Variants in DIAPH2 observed in about 807,000 individuals in gnomAD.
DIAPH2 encodes the protein protein diaphanous homolog 2.
In DIAPH2, 35 loss-of-function variants were observed where a neutral mutation model predicts 92.7. The ratio of observed to expected loss-of-function variants is 0.38; its 90% CI spans 0.29 to 0.50. The LOEUF is 0.50. Ranked by LOEUF, DIAPH2 falls within the 20% of genes least tolerant of loss-of-function variation. DIAPH2 has a pLI of 0.94. For synonymous variants in DIAPH2, 301 were observed against 280.4 expected, an observed-to-expected ratio of 1.07 and a Z score of -0.73; for missense variants, 701 against 819.5, an observed-to-expected ratio of 0.86 and a Z score of 1.77.
rs187299266 is a variant in DIAPH2 at position 97,399,370 on chromosome X, G to T, written c.3145+15326G>T. Among the ~76,000 whole-genome samples, 8 of 111,622 alleles carry T rather than the reference G, an allele frequency of 7.2e-5. No homozygotes were observed. In the East Asian group the frequency reaches 2.3e-3, roughly 32 times the overall value. On this transcript the variant is annotated intron_variant, in intron 25 of 26. Transcript: ENST00000324765. Reference sequence around the variant, plus strand: ...GATATTCAAGGAGTACCCAGTTTTGGTTCACCAAATGTAAGTCCTTTGTTA... The same window carrying T: ...GATATTCAAGGAGTACCCAGTTTTGTTTCACCAAATGTAAGTCCTTTGTTA...
At chrX:97,130,259 A>G (rs2067129403) in intron 21 of DIAPH2, among the ~76,000 whole-genome samples, 2 of 112,112 alleles carry the variant, frequency 1.8e-5, no homozygotes, top group Non-Finnish European at 3.8e-5. Flanking sequence ...TTCTGGGCAT[A>G]TACATAAAAG....
intron 22 of DIAPH2, among the ~76,000 whole-genome samples, chrX:97,186,716 G>C (rs2067607371): frequency 8.9e-6 from 1 of 112,012 alleles, no homozygotes; most frequent in African/African-American, 3.2e-5. Context: ...GAAGGTATAA[G>C]AAATCTAAAT....
intron 26 of DIAPH2, among the ~76,000 whole-genome samples, chrX:97,496,206 G>A (rs897361274): frequency 2.9e-5 from 2 of 69,277 alleles, no homozygotes; most frequent in East Asian, 5.3e-4. Context: ...AAGGAGTTTC[G>A]CTCTCGTTGC....
chrX:97,068,703 A>G (rs542637359), intron 17 of DIAPH2, among the ~76,000 whole-genome samples: 5 of 112,078 alleles, frequency 4.5e-5, no homozygotes, highest in Middle Eastern at 4.6e-3. Context: ...AATTATTTCC[A>G]TGTAGCTGGA....
At chrX:97,290,568 C>T (rs762622365) in intron 23 of DIAPH2, among the ~76,000 whole-genome samples, 5 of 112,325 alleles carry the variant, frequency 4.5e-5, no homozygotes, top group Admixed American at 2.8e-4. Context: ...AGTATTAAAC[C>T]ATGCACAGGG....
intron 22 of DIAPH2, among the ~76,000 whole-genome samples, chrX:97,193,057 G>C (rs1345941553): frequency 1.1e-5 from 1 of 94,368 alleles, no homozygotes; most frequent in African/African-American, 4.3e-5. Flanking sequence ...CTGTCGCCCA[G>C]GCTGGAGTGC....
intron 17 of DIAPH2, among the ~76,000 whole-genome samples, chrX:96,989,192 G>A (rs1378213951): frequency 9.0e-6 from 1 of 111,378 alleles, no homozygotes; most frequent in African/African-American, 3.3e-5. Context: ...ATTAATTATT[G>A]ACAAACTGCC....
At chrX:97,187,329 G>GGCT (rs2067616091) in intron 22 of DIAPH2, among the ~76,000 whole-genome samples, 1 of 72,105 alleles carries the variant, frequency 1.4e-5, no homozygotes, top group Admixed American at 2.4e-4. Flanking sequence ...CTGTTGCCCA[G>GGCT]GCTGGAGTGC....
chrX:97,415,499 T>C (rs763638419), intron 25 of DIAPH2, among the ~76,000 whole-genome samples: 1 of 111,819 alleles, frequency 8.9e-6, no homozygotes, highest in Non-Finnish European at 1.9e-5. Context: ...GTGGCACATA[T>C]TCACCATGAA....
intron 9 of DIAPH2, among the ~76,000 whole-genome samples, chrX:96,925,164 C>T (rs1013981671): frequency 4.5e-5 from 5 of 110,526 alleles, no homozygotes; most frequent in African/African-American, 1.6e-4. Context: ...TTCTCTTCCT[C>T]CCAACTCACA....
chrX:97,355,285 T>C (rs1204876158), intron 24 of DIAPH2, among the ~76,000 whole-genome samples: 1 of 111,178 alleles, frequency 9.0e-6, no homozygotes, highest in Non-Finnish European at 1.9e-5. Context: ...CATTTATTAA[T>C]GGTAATTTAC....
At chrX:97,012,161 G>A (rs748559057) in intron 17 of DIAPH2, among the ~76,000 whole-genome samples, 17 of 111,193 alleles carry the variant, frequency 1.5e-4, no homozygotes, top group Non-Finnish European at 2.6e-4. Context: ...TTCTCAATTT[G>A]TCTCAACTGG....
chrX:96,920,017 A>T (rs972624138), intron 9 of DIAPH2, among the ~76,000 whole-genome samples: 1 of 110,144 alleles, frequency 9.1e-6, no homozygotes, highest in African/African-American at 3.3e-5. Flanking sequence ...AGTAGCTGGG[A>T]TTACAGGCAT....
chrX:97,065,101 G>A (rs760740307), intron 17 of DIAPH2, among the ~76,000 whole-genome samples: 16 of 111,636 alleles, frequency 1.4e-4, no homozygotes, highest in Non-Finnish European at 2.6e-4. Flanking sequence ...AATTCCTACA[G>A]ATATGCCTTT....
intron 23 of DIAPH2, among the ~76,000 whole-genome samples, chrX:97,328,226 G>C (rs1244403999): frequency 1.8e-5 from 2 of 111,294 alleles, no homozygotes. Flanking sequence ...CTTGAGGTCA[G>C]GAGTTCAAGA....
At chrX:97,125,661 A>G (rs1164572032) in intron 21 of DIAPH2, among the ~76,000 whole-genome samples, 1 of 110,516 alleles carries the variant, frequency 9.0e-6, no homozygotes, top group African/African-American at 3.3e-5. Context: ...CATTAAATAC[A>G]GATACATTTT....
intron 23 of DIAPH2, among the ~76,000 whole-genome samples, chrX:97,257,852 T>G (rs1265085108): frequency 9.0e-6 from 1 of 110,538 alleles, no homozygotes; most frequent in African/African-American, 3.3e-5. Context: ...TGGAAAATGC[T>G]TTGTAAAATA....
rs757707511 is a variant in DIAPH2, at chrX:96,945,419, G to C, written c.1445-108G>C. 3 of 508,796 alleles carry C rather than the reference G, an allele frequency of 5.9e-6. No homozygotes were observed. In the East Asian group the frequency reaches 1.2e-4, roughly 20 times the overall value. 41.9% of individuals were successfully genotyped at this position (508,796 alleles called of 1,213,427 possible). ...ATAGGTCAATTTCCATTTAATAAGG[G>C]TTGACATAAAAATGATAGTCTGCAT... On this transcript the variant is annotated intron_variant, in intron 13 of 26. Coordinates refer to ENST00000324765, the MANE Select transcript of DIAPH2 (RefSeq NM_006729.5).
chrX:97,195,270 A>T (rs2147485800), intron 22 of DIAPH2, among the ~76,000 whole-genome samples: 1 of 112,447 alleles, frequency 8.9e-6, no homozygotes, highest in East Asian at 2.8e-4. Context: ...ATGAATTTTT[A>T]ATTAAATATT....
Sources: allele counts gnomAD v4.1 joint callset (sites outside exome capture counted in the v4.1 genomes callset), GRCh38; gene constraint gnomAD v4.1.1; transcripts MANE v1.5; gene names NCBI Gene and HGNC (gene_info 2026-07-23, HGNC 2026-07-21).